EPB41L4B: variants seen among roughly 807,000 people sequenced by gnomAD.
The protein encoded by EPB41L4B is band 4.1-like protein 4B.
In EPB41L4B, 30 loss-of-function variants were observed where a neutral mutation model predicts 112.5. That is an observed-to-expected ratio of 0.27 (90% CI 0.20 to 0.36). The LOEUF (loss-of-function observed/expected upper bound fraction) is 0.36, where lower values mean the gene tolerates loss of function less well. Ranked by LOEUF, EPB41L4B falls within the 10% of genes least tolerant of loss-of-function variation. The pLI is 1.00. For missense variants in EPB41L4B, 1,024 were observed against 1,133.3 expected, an observed-to-expected ratio of 0.90 and a Z score of 1.38; for synonymous variants, 408 against 439.7, an observed-to-expected ratio of 0.93 and a Z score of 0.90.
intron 15 of EPB41L4B, among the ~76,000 whole-genome samples, chr9:109,234,109 A>T (rs893524445): frequency 1.3e-5 from 2 of 151,992 alleles, no homozygotes; most frequent in Non-Finnish European, 2.9e-5. Context: ...TTAAAAAAAA[A>T]AAAAAGCTAG....
chr9:109,303,735 G>C (rs1166978477), intron 1 of EPB41L4B, among the ~76,000 whole-genome samples: 2 of 151,726 alleles, frequency 1.3e-5, no homozygotes, highest in Non-Finnish European at 2.9e-5. Context: ...CGAACTCCTG[G>C]GCTCAAGCAC....
intron 15 of EPB41L4B, among the ~76,000 whole-genome samples, chr9:109,221,237 G>T (rs1195282432): frequency 6.6e-6 from 1 of 152,140 alleles, no homozygotes; most frequent in African/African-American, 2.4e-5. Flanking sequence ...GGGAGGGGAG[G>T]GAGGGGGAGG....
chr9:109,305,389 C>T (rs35947147), intron 1 of EPB41L4B, among the ~76,000 whole-genome samples: 26,875 of 152,010 alleles, frequency 0.18, 2,983 homozygotes, highest in Admixed American at 0.24. Flanking sequence ...GAGGCCAAAG[C>T]GGGTGGATCA....
At chr9:109,228,295 T>C (rs764401785) in intron 15 of EPB41L4B, among the ~76,000 whole-genome samples, 18 of 152,232 alleles carry the variant, frequency 1.2e-4, no homozygotes, top group Non-Finnish European at 2.4e-4. Context: ...CTTCCTTTAC[T>C]AAGTGCTTAC....
chr9:109,316,655 T>A (rs140640490), intron 1 of EPB41L4B, among the ~76,000 whole-genome samples: 1 of 152,078 alleles, frequency 6.6e-6, no homozygotes, highest in Non-Finnish European at 1.5e-5. Flanking sequence ...GGCACTCTGG[T>A]TGGTAGGGCG....
At chr9:109,259,325 G>A (rs1015055344) in intron 6 of EPB41L4B, among the ~76,000 whole-genome samples, 2 of 152,218 alleles carry the variant, frequency 1.3e-5, no homozygotes, top group African/African-American at 4.8e-5. Context: ...TGGTTAAAAT[G>A]CACATCACTG....
At chr9:109,254,404 G>A (rs1834905721) in intron 11 of EPB41L4B, among the ~76,000 whole-genome samples, 1 of 142,248 alleles carries the variant, frequency 7.0e-6, no homozygotes, top group Non-Finnish European at 1.5e-5. Flanking sequence ...CGACCCCTTG[G>A]AGCATTTAAA....
chr9:109,237,415 G>A (rs969341282), intron 15 of EPB41L4B, among the ~76,000 whole-genome samples: 7 of 152,182 alleles, frequency 4.6e-5, no homozygotes. Flanking sequence ...ACATACCCGA[G>A]TTCCAAAATG....
At position 109,311,766 on chromosome 9, in the gene EPB41L4B, T is replaced by C. The variant is rs60161546; in HGVS notation, c.306+8375A>G. On this transcript the variant is annotated intron_variant, in intron 1 of 25. Transcript: ENST00000374566. Reference sequence around the variant, plus strand: ...ACAGGAAGGCTGGGTGTGCACAGCATGGGCTGAGGGGAAGAGCACTGGAAA... The same window carrying C: ...ACAGGAAGGCTGGGTGTGCACAGCACGGGCTGAGGGGAAGAGCACTGGAAA... 2.0e-5 allele frequency among the ~76,000 whole-genome samples: 3 copies of C among 152,276 alleles called. No individual in the cohort carries two copies. The East Asian group carries it at 5.8e-4, about 29-fold the overall frequency.
At chr9:109,284,199 T>C (rs1437538117) in intron 1 of EPB41L4B, among the ~76,000 whole-genome samples, 2 of 152,220 alleles carry the variant, frequency 1.3e-5, no homozygotes, top group Non-Finnish European at 2.9e-5. Flanking sequence ...GCCTATTGTA[T>C]GATAAAGTAT....
chr9:109,257,270 C>T lies in EPB41L4B; in HGVS notation c.753-790G>A, dbSNP rs1379979172. On this transcript the variant is annotated intron_variant, in intron 7 of 25. Coordinates refer to ENST00000374566, the MANE Select transcript of EPB41L4B (RefSeq NM_019114.5). ...GAGTCCAAGGGTGACCTGGAGGAGG[C>T]AGTGTTTGGGGAAGATGGGATGGGA... is the stretch of plus-strand genomic sequence containing the variant. Among the ~76,000 whole-genome samples, 3 of 151,904 alleles carry T rather than the reference C, an allele frequency of 2.0e-5. No individual in the cohort carries two copies. The East Asian group carries it at 5.8e-4, about 29-fold the overall frequency.
intron 16 of EPB41L4B, among the ~76,000 whole-genome samples, chr9:109,216,647 C>CAA (rs10568620): frequency 0.02 from 2,620 of 132,550 alleles, 32 homozygotes; most frequent in Non-Finnish European, 0.032. Context: ...GACTCCATCT[C>CAA]AAAAAAAAAA....
chr9:109,187,525 C>T (rs185060429), intron 22 of EPB41L4B, among the ~76,000 whole-genome samples: 3 of 152,208 alleles, frequency 2.0e-5, no homozygotes, highest in Admixed American at 6.5e-5. Flanking sequence ...ACTTAAAACC[C>T]TCCTGCTGCT....
intron 1 of EPB41L4B, among the ~76,000 whole-genome samples, chr9:109,284,962 T>G (rs931788903): frequency 2.6e-5 from 4 of 152,142 alleles, no homozygotes; most frequent in African/African-American, 9.7e-5. Context: ...GGCAGAAAAA[T>G]TGGGCCAGGA....
intron 15 of EPB41L4B, among the ~76,000 whole-genome samples, chr9:109,229,113 A>C (rs939542871): frequency 3.9e-5 from 6 of 152,230 alleles, no homozygotes; most frequent in Non-Finnish European, 5.9e-5. Flanking sequence ...GAAGAAAAAG[A>C]ATATGTGGAG....
At chr9:109,284,170 A>G (rs1836181362) in intron 1 of EPB41L4B, among the ~76,000 whole-genome samples, 1 of 152,228 alleles carries the variant, frequency 6.6e-6, no homozygotes, top group Non-Finnish European at 1.5e-5. Context: ...CGTGCTCAGC[A>G]AAAATCATTG....
chr9:109,182,946 G>T (rs1832121419), intron 23 of EPB41L4B, 149 bp from the exon 24 acceptor site: 8 of 632,314 alleles, frequency 1.3e-5, no homozygotes, highest in Middle Eastern at 5.2e-4. Flanking sequence ...CATACAAAGG[G>T]TCCCTCAGGA....
At chr9:109,182,843 C>CA (rs754357406) in intron 23 of EPB41L4B, 46 bp from the exon 24 acceptor site, 1 of 1,384,780 alleles carries the variant, frequency 7.2e-7, no homozygotes, top group Non-Finnish European at 1.0e-6. Flanking sequence ...GATTAGAAAA[C>CA]AAAGTTTTGC....
intron 1 of EPB41L4B, among the ~76,000 whole-genome samples, chr9:109,298,277 C>T (rs978541163): frequency 2.0e-5 from 3 of 151,436 alleles, no homozygotes; most frequent in Non-Finnish European, 4.4e-5. Context: ...CTTTCCTTAC[C>T]CATTCACTAA....
Sources: gnomAD v4.1 joint callset for allele counts (sites outside exome capture counted in the v4.1 genomes callset) on GRCh38, gnomAD v4.1.1 for gene constraint, MANE v1.5 for transcripts, NCBI Gene and HGNC (gene_info 2026-07-23, HGNC 2026-07-21) for gene names.